Variants in TRAPPC8 observed in about 807,000 individuals in gnomAD.
The protein encoded by TRAPPC8 is general sporulation gene 1 homolog.
TRAPPC8 carries 54 observed loss-of-function variants against 174.3 expected under a neutral mutation model. That is an observed-to-expected ratio of 0.31 (90% CI 0.25 to 0.39). The LOEUF is 0.39. Ranked by LOEUF, TRAPPC8 falls within the 10% of genes least tolerant of loss-of-function variation. TRAPPC8 has a pLI of 1.00. For missense variants in TRAPPC8, 1,531 were observed against 1,699.1 expected, an observed-to-expected ratio of 0.90 and a Z score of 1.74; for synonymous variants, 630 against 579.9, an observed-to-expected ratio of 1.09 and a Z score of -1.24.
chr18:31,909,364 C>T (rs1049579935), intron 6 of TRAPPC8, among the ~76,000 whole-genome samples: 1 of 151,782 alleles, frequency 6.6e-6, no homozygotes, highest in Non-Finnish European at 1.5e-5. Flanking sequence ...ATCATAAAGT[C>T]AGAAATAAAG....
intron 22 of TRAPPC8, among the ~76,000 whole-genome samples, chr18:31,853,137 A>G (rs2033801853): frequency 6.6e-6 from 1 of 152,220 alleles, no homozygotes; most frequent in African/African-American, 2.4e-5. Flanking sequence ...AATGTTATAT[A>G]AACATGACAA....
chr18:31,935,395 G>A (rs2038044631), intron 1 of TRAPPC8, among the ~76,000 whole-genome samples: 1 of 124,226 alleles, frequency 8.0e-6, no homozygotes, highest in Non-Finnish European at 1.7e-5. Context: ...AAATAAGTCT[G>A]CAATTACAGG....
chr18:31,848,094 A>G (rs985918573), intron 25 of TRAPPC8, among the ~76,000 whole-genome samples: 2 of 152,020 alleles, frequency 1.3e-5, no homozygotes, highest in African/African-American at 4.8e-5. Flanking sequence ...TCTAACTAAA[A>G]CAAACAAAAA....
rs1287925693 is a variant in TRAPPC8, at chr18:31,871,130, ATT to A, written c.2063-12_2063-11del. On this transcript the variant is annotated splice_polypyrimidine_tract_variant and intron_variant, in intron 14 of 28. Transcript: ENST00000283351. Reference sequence around the variant, plus strand: ...GCTGCTTGTTTTTCACCTAAAAAAAATTTGTTAACAACACGTTTATGAAGACT... The same window carrying A: ...GCTGCTTGTTTTTCACCTAAAAAAAATGTTAACAACACGTTTATGAAGACT... 6.6e-7 allele frequency: 1 copy of A among 1,508,522 alleles called. No individual in the cohort carries two copies. Among genetic ancestry groups the A allele is most frequent in the Non-Finnish European group, 8.9e-7 (1 of 1,117,988 alleles). The allele number at this position is 1,508,522 out of a possible 1,614,324, so 93.4% of individuals were successfully genotyped here.
intron 4 of TRAPPC8, among the ~76,000 whole-genome samples, chr18:31,914,079 C>T (rs868791013): frequency 1.4e-5 from 2 of 145,848 alleles, no homozygotes; most frequent in South Asian, 4.5e-4. Flanking sequence ...GGGAAGACTG[C>T]TTGAGCCCAG....
At position 31,849,442 on chromosome 18, in the gene TRAPPC8, A is replaced by T. The variant is rs1044092788; in HGVS notation, c.3735+124T>A. On this transcript the variant is annotated intron_variant, in intron 25 of 28. Transcript: ENST00000283351. ...CCAAAAAAAAATATGTAACTGTTAAAGTTTCAATATTGAAACTAGAAAAGA... is the reference window on the plus strand; with the variant it reads ...CCAAAAAAAAATATGTAACTGTTAATGTTTCAATATTGAAACTAGAAAAGA... The T allele has an allele frequency of 9.2e-6, 8 of 870,810 alleles. No individual in the cohort carries two copies. The African/African-American group carries it at 1.4e-4, about 15-fold the overall frequency. 53.9% of individuals were successfully genotyped at this position (870,810 alleles called of 1,614,324 possible). A position where few individuals can be genotyped will look rare whatever the true frequency, so the allele number is the denominator to read the frequency against.
At chr18:31,897,120 G>T (rs1321617050) in intron 11 of TRAPPC8, among the ~76,000 whole-genome samples, 5 of 152,100 alleles carry the variant, frequency 3.3e-5, no homozygotes, top group Admixed American at 6.6e-5. Flanking sequence ...AACAAAGGAG[G>T]TGTTTGATTT....
chr18:31,903,703 G>A (rs16962565), intron 9 of TRAPPC8, among the ~76,000 whole-genome samples: 4,566 of 152,168 alleles, frequency 0.03, 246 homozygotes, highest in African/African-American at 0.1. Flanking sequence ...TATTATTACT[G>A]TCAATTTCCT....
intron 2 of TRAPPC8, among the ~76,000 whole-genome samples, chr18:31,929,191 G>GAAA (rs34749170): frequency 1.5e-5 from 2 of 129,252 alleles, no homozygotes; most frequent in African/African-American, 5.7e-5. Flanking sequence ...CAAAAAAAGT[G>GAAA]AAAAAAAAAA....
At chr18:31,884,327 T>C (rs1422469253) in intron 12 of TRAPPC8, among the ~76,000 whole-genome samples, 1 of 152,232 alleles carries the variant, frequency 6.6e-6, no homozygotes, top group Admixed American at 6.5e-5. Flanking sequence ...TCCCTCTTTA[T>C]ACCACTGCAC....
intron 4 of TRAPPC8, 100 bp downstream of exon 4, chr18:31,916,172 T>C (rs1227999800): frequency 1.1e-6 from 1 of 885,750 alleles, no homozygotes; most frequent in Non-Finnish European, 1.6e-6. Context: ...AACTTTTACA[T>C]TCTTGTATCA....
At chr18:31,859,900 C>A (rs2034237122) in intron 19 of TRAPPC8, among the ~76,000 whole-genome samples, 1 of 151,908 alleles carries the variant, frequency 6.6e-6, no homozygotes, top group Non-Finnish European at 1.5e-5. Flanking sequence ...CCTGTAATCC[C>A]AGCTACTCAG....
At chr18:31,926,472 G>GT (rs11343145) in intron 2 of TRAPPC8, 7,357 of 148,722 alleles carry the variant, frequency 0.049, 329 homozygotes, top group African/African-American at 0.12. Context: ...TTTTGTTTTG[G>GT]TTTTTTTTTT....
chr18:31,925,381 C>CA (rs2037569383), intron 2 of TRAPPC8, among the ~76,000 whole-genome samples: 2 of 151,482 alleles, frequency 1.3e-5, no homozygotes, highest in Admixed American at 1.3e-4. Flanking sequence ...AAAATAGCTC[C>CA]AAAAAAACCC....
intron 26 of TRAPPC8, among the ~76,000 whole-genome samples, chr18:31,842,188 C>T (rs1379940455): frequency 6.6e-6 from 1 of 152,158 alleles, no homozygotes; most frequent in Non-Finnish European, 1.5e-5. Context: ...GGTGATTTTA[C>T]CTTTGTCCAA....
chr18:31,839,498 AC>A, intron 26 of TRAPPC8, 41 bp from the exon 27 acceptor site: 3 of 1,517,830 alleles, frequency 2.0e-6, no homozygotes, highest in East Asian at 2.3e-5. Flanking sequence ...TAAAAACACT[AC>A]CTTGTTTAAA....
intron 1 of TRAPPC8, among the ~76,000 whole-genome samples, chr18:31,934,412 T>A (rs1317390619): frequency 6.6e-6 from 1 of 152,132 alleles, no homozygotes; most frequent in Non-Finnish European, 1.5e-5. Context: ...ATCTGCATTC[T>A]TCTATAACTG....
chr18:31,830,492 G>C lies in TRAPPC8; in HGVS notation c.*263C>G. On this transcript the variant is annotated 3_prime_UTR_variant, in exon 29 of 29. Coordinates refer to ENST00000283351, the MANE Select transcript of TRAPPC8 (RefSeq NM_014939.5). ...AGACTTTGTGTTTTCTTAAGATGGG[G>C]CTTAATAAGGTGCACAAATATGCTG... 2.6e-6 allele frequency: 1 copy of C among 390,532 alleles called. No homozygotes were observed. The highest frequency in any genetic ancestry group is 4.6e-6 in the Non-Finnish European group (1 of 217,166). 24.2% of individuals were successfully genotyped at this position (390,532 alleles called of 1,614,324 possible).
intron 19 of TRAPPC8, among the ~76,000 whole-genome samples, chr18:31,864,057 A>G (rs2034467658): frequency 6.8e-6 from 1 of 148,020 alleles, no homozygotes. Flanking sequence ...ATATATTTAT[A>G]TTATGTATTA....
Sources: allele counts gnomAD v4.1 joint callset (sites outside exome capture counted in the v4.1 genomes callset), GRCh38; gene constraint gnomAD v4.1.1; transcripts MANE v1.5; gene names NCBI Gene and HGNC (gene_info 2026-07-23, HGNC 2026-07-21).